RANBP2: variants seen among roughly 807,000 people sequenced by gnomAD.
The protein encoded by RANBP2 is E3 SUMO-protein ligase RanBP2.
In RANBP2, 57 loss-of-function variants were observed where a neutral mutation model predicts 303.6. That is an observed-to-expected ratio of 0.19 (90% CI 0.15 to 0.23). The LOEUF (loss-of-function observed/expected upper bound fraction) is 0.23. Ranked by LOEUF, RANBP2 falls within the 10% of genes least tolerant of loss-of-function variation. The pLI is 1.00. For missense variants in RANBP2, 3,138 were observed against 3,780.8 expected (o/e 0.83, Z 4.46); for synonymous variants, 1,167 against 1,301.5 (o/e 0.90, Z 2.23).
At chr2:109,424,639 G>C in the RANBP2 span, among the ~76,000 whole-genome samples, 1 of 152,194 alleles carries the variant, frequency 6.6e-6, no homozygotes, top group South Asian at 2.1e-4. Context: ...GATGTGATCA[G>C]TGATTTTTGG....
At chr2:109,467,248 C>T in the RANBP2 span, among the ~76,000 whole-genome samples, 3 of 152,376 alleles carry the variant, frequency 2.0e-5, no homozygotes, top group South Asian at 6.2e-4. Context: ...TGCCAATCAG[C>T]TGATGAATGC....
intron 23 of RANBP2, among the ~76,000 whole-genome samples, chr2:108,775,198 T>C (rs1249415076): frequency 1.3e-5 from 2 of 152,242 alleles, no homozygotes; most frequent in Non-Finnish European, 2.9e-5. Flanking sequence ...TAGATGCTAC[T>C]GTGCCATTTC....
At chr2:109,052,783 A>G in the RANBP2 span, among the ~76,000 whole-genome samples, 1 of 152,294 alleles carries the variant, frequency 6.6e-6, no homozygotes, top group African/African-American at 2.4e-5. Context: ...TACAGGTGTG[A>G]GCCACCCGGC....
chr2:109,019,157 G>C, the RANBP2 span, among the ~76,000 whole-genome samples: 1 of 152,214 alleles, frequency 6.6e-6, no homozygotes, highest in Non-Finnish European at 1.5e-5. Context: ...CACGCCCTTC[G>C]GCAAACTGCA....
chr2:109,513,467 C>CACCACA, the RANBP2 span, among the ~76,000 whole-genome samples: 1 of 151,876 alleles, frequency 6.6e-6, no homozygotes, highest in East Asian at 1.9e-4. Context: ...CATATAGACA[C>CACCACA]TCCACATGTA....
chr2:108,744,405 CAA>C (rs35651916), intron 7 of RANBP2, among the ~76,000 whole-genome samples: 37 of 133,784 alleles, frequency 2.8e-4, no homozygotes, highest in African/African-American at 3.9e-4. Context: ...GACTCCATCT[CAA>C]AAAAAAAAAA....
At chr2:109,480,782 G>A in the RANBP2 span, among the ~76,000 whole-genome samples, 1 of 152,184 alleles carries the variant, frequency 6.6e-6, no homozygotes, top group Non-Finnish European at 1.5e-5. Flanking sequence ...CTGGGCACAG[G>A]GACCTGGGAC....
chr2:109,619,879 A>C, the RANBP2 span, among the ~76,000 whole-genome samples: 255 of 152,326 alleles, frequency 1.7e-3, 1 homozygote, highest in Middle Eastern at 6.8e-3. Context: ...ATGATCACCC[A>C]AGTCTTCATA....
chr2:109,333,534 A>G, the RANBP2 span, among the ~76,000 whole-genome samples: 1 of 152,212 alleles, frequency 6.6e-6, no homozygotes, highest in Non-Finnish European at 1.5e-5. Flanking sequence ...GTAAAGTTTT[A>G]TTGGAACACA....
At chr2:108,821,323 A>C in the RANBP2 span, among the ~76,000 whole-genome samples, 1 of 152,098 alleles carries the variant, frequency 6.6e-6, no homozygotes, top group Non-Finnish European at 1.5e-5. Flanking sequence ...ATGCCATTGC[A>C]CTCCAGCCTG....
chr2:109,546,062 T>C, the RANBP2 span: 1 of 1,587,938 alleles, frequency 6.3e-7, no homozygotes, highest in Non-Finnish European at 8.5e-7. Context: ...CTTACGGTCC[T>C]TGTCCTTCCT....
At chr2:109,002,282 C>T in the RANBP2 span, among the ~76,000 whole-genome samples, 17 of 152,202 alleles carry the variant, frequency 1.1e-4, no homozygotes, top group Admixed American at 2.0e-4. Context: ...GCTGTCCACC[C>T]CTGGGTTCCT....
chr2:108,756,345 C>T (rs1162375490), intron 17 of RANBP2, among the ~76,000 whole-genome samples: 3 of 152,114 alleles, frequency 2.0e-5, no homozygotes, highest in African/African-American at 7.2e-5. Context: ...GTATATATAT[C>T]TTATTTTAAC....
chr2:108,894,566 T>A, the RANBP2 span: 1 of 152,586 alleles, frequency 6.6e-6, no homozygotes, highest in Non-Finnish European at 1.5e-5. Flanking sequence ...CTTCACTGTC[T>A]AAGGGCCACA....
chr2:109,281,559 T>A, the RANBP2 span, among the ~76,000 whole-genome samples: 1 of 152,194 alleles, frequency 6.6e-6, no homozygotes, highest in African/African-American at 2.4e-5. Flanking sequence ...GGTGATTCAC[T>A]GTGGGAGAGT....
intron 18 of RANBP2, among the ~76,000 whole-genome samples, chr2:108,760,565 G>T (rs1181390006): frequency 6.6e-6 from 1 of 152,030 alleles, no homozygotes; most frequent in South Asian, 2.1e-4. Context: ...TGCCATTTTC[G>T]CACTTTGCTA....
At chr2:109,035,593 G>C in the RANBP2 span, among the ~76,000 whole-genome samples, 1 of 147,878 alleles carries the variant, frequency 6.8e-6, no homozygotes, top group African/African-American at 2.5e-5. Context: ...CCTGGTCAAA[G>C]CACAGAGGAA....
chr2:109,095,652 G>C, the RANBP2 span, among the ~76,000 whole-genome samples: 1 of 152,134 alleles, frequency 6.6e-6, no homozygotes, highest in African/African-American at 2.4e-5. Flanking sequence ...GGCCATAATT[G>C]GGGCCCATGT....
chr2:109,725,493 C>T, the RANBP2 span, among the ~76,000 whole-genome samples: 1 of 152,160 alleles, frequency 6.6e-6, no homozygotes, highest in Non-Finnish European at 1.5e-5. Flanking sequence ...GATGAACTCC[C>T]TCCCTGTAGG....
Sources: gnomAD v4.1 joint callset for allele counts (sites outside exome capture counted in the v4.1 genomes callset) on GRCh38, gnomAD v4.1.1 for gene constraint, MANE v1.5 for transcripts, NCBI Gene and HGNC (gene_info 2026-07-23, HGNC 2026-07-21) for gene names.